Variants in MID1 observed in about 807,000 individuals in gnomAD.
MID1 encodes midline 1, also known as E3 ubiquitin-protein ligase Midline-1.
In MID1, 7 loss-of-function variants were observed where a neutral mutation model predicts 40.4. The observed-to-expected ratio is 0.17, with a 90% CI of 0.10 to 0.33. The LOEUF is 0.33. MID1 is among the 10% of genes least tolerant of loss of function. The pLI, the probability that MID1 is intolerant of heterozygous loss-of-function variation, is 1.00. For synonymous variants in MID1, 229 were observed against 221.2 expected (o/e 1.04, Z -0.31); for missense variants, 367 against 558.5 (o/e 0.66, Z 3.46).
chrX:10,538,364 C>G (rs1007993111), intron 2 of MID1, among the ~76,000 whole-genome samples: 10 of 111,311 alleles, frequency 9.0e-5, no homozygotes, highest in Non-Finnish European at 1.5e-4. Flanking sequence ...TAAAAGACTC[C>G]TTGACTTCAG....
chrX:10,733,526 T>G (rs1313557399), intron 1 of MID1, among the ~76,000 whole-genome samples: 1 of 111,638 alleles, frequency 9.0e-6, no homozygotes, highest in Non-Finnish European at 1.9e-5. Flanking sequence ...AAGCTATACA[T>G]TGAAAAGAAT....
chrX:10,791,459 T>C (rs1235788974), intron 1 of MID1, among the ~76,000 whole-genome samples: 2 of 112,454 alleles, frequency 1.8e-5, no homozygotes, highest in African/African-American at 3.2e-5. Context: ...AAAGTCTTTG[T>C]TGCCCCTCAA....
At chrX:10,455,480 A>G (rs1928606667) in intron 8 of MID1, among the ~76,000 whole-genome samples, 1 of 111,523 alleles carries the variant, frequency 9.0e-6, no homozygotes, top group Admixed American at 9.5e-5. Context: ...AGGGTGAGCT[A>G]GCTTCACGGA....
intron 1 of MID1, among the ~76,000 whole-genome samples, chrX:10,811,930 C>T (rs1035637765): frequency 8.9e-6 from 1 of 111,792 alleles, no homozygotes; most frequent in African/African-American, 3.3e-5. Flanking sequence ...GGCAAAATGT[C>T]CATTCTTTTG....
intron 2 of MID1, among the ~76,000 whole-genome samples, chrX:10,530,071 T>C (rs1201400149): frequency 1.8e-5 from 2 of 112,088 alleles, no homozygotes; most frequent in African/African-American, 6.5e-5. Context: ...TTTAGAAGAA[T>C]TTTTGAGGAA....
intron 1 of MID1, among the ~76,000 whole-genome samples, chrX:10,722,147 C>T (rs1044127428): frequency 8.9e-6 from 1 of 111,766 alleles, no homozygotes; most frequent in Admixed American, 9.5e-5. Context: ...GATGATGCTA[C>T]TTATCCAGAG....
chrX:10,784,946 A>G (rs1444204645), intron 1 of MID1, among the ~76,000 whole-genome samples: 2 of 110,945 alleles, frequency 1.8e-5, no homozygotes, highest in Admixed American at 1.9e-4. Flanking sequence ...CACCACTCCT[A>G]TTCAACATAG....
intron 1 of MID1, among the ~76,000 whole-genome samples, chrX:10,790,340 G>C (rs1210322272): frequency 9.2e-6 from 1 of 108,740 alleles, no homozygotes; most frequent in African/African-American, 3.4e-5. Flanking sequence ...GTAGAGATGG[G>C]GTCTCACTAT....
intron 2 of MID1, among the ~76,000 whole-genome samples, chrX:10,552,923 C>A (rs1360023124): frequency 1.8e-5 from 2 of 111,742 alleles, no homozygotes; most frequent in African/African-American, 6.5e-5. Flanking sequence ...AACGCCAGGA[C>A]ACAAGTTGAA....
chrX:10,724,942 A>C (rs1261618865), intron 1 of MID1, among the ~76,000 whole-genome samples: 2 of 112,101 alleles, frequency 1.8e-5, no homozygotes, highest in Non-Finnish European at 3.8e-5. Context: ...GTCTCTCTGC[A>C]AACCTCGTTC....
At chrX:10,787,463 T>C (rs2043894208) in intron 1 of MID1, among the ~76,000 whole-genome samples, 1 of 101,281 alleles carries the variant, frequency 9.9e-6, no homozygotes, top group Non-Finnish European at 2.0e-5. Context: ...TTAAAACCAC[T>C]CTCTTTTCTT....
In MID1 at chrX:10,482,646, T is replaced by C; in HGVS notation, c.865-18A>G. The stretch of plus-strand genomic sequence containing the variant: ...CTCATCACCTTGAACAAAAGAGGCA[T>C]GGAGAGAGATGGTTACATGGGTGGT... On this transcript the variant is annotated intron_variant, in intron 4 of 9. Transcript: ENST00000317552. 8.3e-7 allele frequency: 1 copy of C among 1,204,459 alleles called. No individual in the cohort carries two copies.
intron 1 of MID1, among the ~76,000 whole-genome samples, chrX:10,733,711 G>A (rs994494025): frequency 2.7e-5 from 3 of 112,050 alleles, no homozygotes; most frequent in Non-Finnish European, 5.6e-5. Context: ...TTACCAATAA[G>A]CACAGGGAAA....
intron 1 of MID1, among the ~76,000 whole-genome samples, chrX:10,721,776 A>G (rs2043357145): frequency 9.0e-6 from 1 of 111,160 alleles, no homozygotes; most frequent in Admixed American, 9.7e-5. Context: ...TTTGCACTCA[A>G]TAAAGAATAC....
In MID1 at chrX:10,608,526, G is replaced by A. The variant is rs192664372; in HGVS notation, c.-57+11764C>T. On this transcript the variant is annotated intron_variant, in intron 1 of 9. Transcript: ENST00000317552. ...GTATGATTACGTTTATATTCTTGAAGTAGCACAATTATAGAGATGGAGAAC... is the reference window on the plus strand; with the variant it reads ...GTATGATTACGTTTATATTCTTGAAATAGCACAATTATAGAGATGGAGAAC... Among the ~76,000 whole-genome samples, 12 of 112,015 alleles carry A rather than the reference G, an allele frequency of 1.1e-4. No homozygotes were observed. The East Asian group carries it at 2.0e-3, about 18-fold the overall frequency.
At chrX:10,563,850 T>C (rs1357705826) in intron 2 of MID1, among the ~76,000 whole-genome samples, 5 of 112,288 alleles carry the variant, frequency 4.5e-5, no homozygotes, top group African/African-American at 9.7e-5. Flanking sequence ...TAGAAAAAGA[T>C]TGTAATGTAC....
intron 1 of MID1, among the ~76,000 whole-genome samples, chrX:10,726,884 A>C (rs1569156317): frequency 8.9e-6 from 1 of 112,716 alleles, no homozygotes; most frequent in African/African-American, 3.2e-5. Context: ...CACAGGAATC[A>C]GTGGGCAAAG....
chrX:10,532,848 ACCT>A (rs2147388692), intron 2 of MID1, among the ~76,000 whole-genome samples: 1 of 108,886 alleles, frequency 9.2e-6, no homozygotes, highest in African/African-American at 3.3e-5. Context: ...GCTCACTGCA[ACCT>A]CCGCTTCCTG....
chrX:10,765,143 CTAA>C (rs1422979184), intron 1 of MID1, among the ~76,000 whole-genome samples: 1 of 111,736 alleles, frequency 8.9e-6, no homozygotes, highest in East Asian at 2.8e-4. Context: ...CCCAGACATG[CTAA>C]AGAAGTATTC....
Sources: allele counts gnomAD v4.1 joint callset (sites outside exome capture counted in the v4.1 genomes callset), GRCh38; gene constraint gnomAD v4.1.1; transcripts MANE v1.5; gene names NCBI Gene and HGNC (gene_info 2026-07-23, HGNC 2026-07-21).